Variants in MICAL2 observed in about 807,000 individuals in gnomAD.
MICAL2 encodes the protein microtubule associated monooxygenase, calponin and LIM domain containing 2, also known as [F-actin]-monooxygenase MICAL2.
A neutral mutation model predicts 127.3 loss-of-function variants in MICAL2; 77 were observed. That is an observed-to-expected ratio of 0.60 (90% CI 0.50 to 0.73). The LOEUF (loss-of-function observed/expected upper bound fraction) is 0.73. MICAL2 is among the 30% of genes least tolerant of loss of function. The pLI is 0.00. For missense variants in MICAL2, 1,351 were observed against 1,434.4 expected (o/e 0.94, Z 0.94); for synonymous variants, 570 against 551.1 (o/e 1.03, Z -0.48).
At chr11:12,347,556 A>G (rs189588743) in intron 32 of MICAL2, among the ~76,000 whole-genome samples, 18 of 152,320 alleles carry the variant, frequency 1.2e-4, no homozygotes, top group Non-Finnish European at 7.4e-5. Context: ...CATAAAGTAA[A>G]TAATTTGGGA....
chr11:12,279,325 G>A (rs1409038237), intron 1 of MICAL2, among the ~76,000 whole-genome samples: 1 of 152,176 alleles, frequency 6.6e-6, no homozygotes, highest in Admixed American at 6.5e-5. Context: ...ACGAGTAGAT[G>A]TGGGGAGAAC....
chr11:12,202,161 A>G (rs757192633), intron 3 of MICAL2, among the ~76,000 whole-genome samples: 3 of 151,170 alleles, frequency 2.0e-5, no homozygotes, highest in Non-Finnish European at 4.4e-5. Context: ...CTGCAGACCA[A>G]CTCTCATCTC....
At chr11:12,318,668 T>C (rs777209843) in intron 29 of MICAL2, among the ~76,000 whole-genome samples, 6 of 152,160 alleles carry the variant, frequency 3.9e-5, no homozygotes, top group Non-Finnish European at 8.8e-5. Flanking sequence ...ATTAGTAAAT[T>C]TCGTATCGTG....
intron 15 of MICAL2, among the ~76,000 whole-genome samples, chr11:12,232,034 G>A (rs1208956965): frequency 2.0e-5 from 3 of 152,218 alleles, no homozygotes; most frequent in African/African-American, 7.2e-5. Context: ...GTAACAACAT[G>A]TACACCATTG....
rs112149987 is a variant in MICAL2 at position 12,192,621 on chromosome 11, T to A, written c.265-11629T>A. ...GGTGAAACCCCGTCTCTATTAAAAA[T>A]ACAAAAATTACCCAGGTGCGATGAT... On this transcript the variant is annotated intron_variant, in intron 3 of 27. Transcript: ENST00000683283. 2.1e-3 allele frequency among the ~76,000 whole-genome samples: 325 copies of A among 152,046 alleles called. 1 individual carries two copies. The highest frequency in any genetic ancestry group is 7.3e-3 in the African/African-American group (301 of 41,482).
chr11:12,350,061 C>A (rs892174067), intron 33 of MICAL2: 20 of 659,494 alleles, frequency 3.0e-5, no homozygotes, highest in Non-Finnish European at 5.0e-5. Context: ...GTGATTGAGG[C>A]AAATTGATAT....
chr11:12,314,401 G>A (rs367812669), intron 29 of MICAL2, among the ~76,000 whole-genome samples: 1 of 152,038 alleles, frequency 6.6e-6, no homozygotes, highest in Admixed American at 6.5e-5. Flanking sequence ...AGACTATAAT[G>A]TTAATTGATA....
chr11:12,268,872 G>T (rs912739743), intron 24 of MICAL2, among the ~76,000 whole-genome samples: 4 of 151,806 alleles, frequency 2.6e-5, no homozygotes, highest in African/African-American at 9.7e-5. Context: ...AGTGGCAGGC[G>T]CCTGTAGTCC....
chr11:12,153,503 T>C (rs1486550398), intron 2 of MICAL2, among the ~76,000 whole-genome samples: 2 of 152,150 alleles, frequency 1.3e-5, no homozygotes, highest in African/African-American at 2.4e-5. Context: ...GGTGGTGCAA[T>C]CTTGGCTGAC....
chr11:12,345,103 C>T (rs10831795), intron 32 of MICAL2, among the ~76,000 whole-genome samples: 18,585 of 142,286 alleles, frequency 0.13, 1,324 homozygotes, highest in South Asian at 0.23. Context: ...CAGAGCGAGA[C>T]GAGAATCCAT....
At chr11:12,132,374 G>A (rs1304005812) in intron 1 of MICAL2, among the ~76,000 whole-genome samples, 3 of 152,204 alleles carry the variant, frequency 2.0e-5, no homozygotes, top group African/African-American at 7.2e-5. Context: ...TCCAACACCA[G>A]GCAGTGCTAT....
At chr11:12,276,050 G>A (rs560512859), upstream of MICAL2, 1 of 399,258 alleles carries the variant, frequency 2.5e-6, no homozygotes, top group Middle Eastern at 6.3e-4. Flanking sequence ...ATGCGGAAGG[G>A]GACGCTGCCT....
At chr11:12,260,879 G>A (rs965601494) in intron 26 of MICAL2, 49 of 985,300 alleles carry the variant, frequency 5.0e-5, no homozygotes, top group Non-Finnish European at 5.8e-5. Flanking sequence ...AAGAACCGTG[G>A]GGTTTCAACA....
intron 32 of MICAL2, among the ~76,000 whole-genome samples, chr11:12,334,830 A>G (rs1487564439): frequency 1.3e-5 from 2 of 151,470 alleles, no homozygotes; most frequent in Non-Finnish European, 2.9e-5. Context: ...GTATATGTAC[A>G]TTTTCTTAAT....
At chr11:12,274,338 C>T (rs1404869525), upstream of MICAL2, 1 of 152,146 alleles carries the variant, frequency 6.6e-6, no homozygotes, top group East Asian at 1.9e-4. Context: ...TACCGTTCAC[C>T]AGGTACCACC....
intron 1 of MICAL2, among the ~76,000 whole-genome samples, chr11:12,118,861 G>C (rs1201020031): frequency 1.1e-4 from 16 of 152,164 alleles, no homozygotes; most frequent in Non-Finnish European, 2.4e-4. Flanking sequence ...CAGGGTTTTT[G>C]TTGTTGTTGT....
chr11:12,339,542 G>C (rs1053125558), intron 32 of MICAL2, among the ~76,000 whole-genome samples: 7 of 152,150 alleles, frequency 4.6e-5, no homozygotes, highest in Admixed American at 3.9e-4. Context: ...AGAGTTTCCA[G>C]TTTTTCTGCT....
intron 3 of MICAL2, among the ~76,000 whole-genome samples, chr11:12,202,709 G>A (rs566963559): frequency 1.3e-5 from 2 of 152,196 alleles, no homozygotes; most frequent in Non-Finnish European, 2.9e-5. Context: ...TAGAAGACAG[G>A]GCCTAGGTCT....
chr11:12,162,914 G>A (rs1855000801), intron 3 of MICAL2, among the ~76,000 whole-genome samples: 1 of 152,172 alleles, frequency 6.6e-6, no homozygotes, highest in South Asian at 2.1e-4. Context: ...TCAGGGAGAG[G>A]CATAGTTACA....
Sources: gnomAD v4.1 joint callset for allele counts (sites outside exome capture counted in the v4.1 genomes callset) on GRCh38, gnomAD v4.1.1 for gene constraint, MANE v1.5 for transcripts, NCBI Gene and HGNC (gene_info 2026-07-23, HGNC 2026-07-21) for gene names.